The following GRIK2 variants were observed in gnomAD, a reference collection of about 807,000 sequenced individuals.
GRIK2 encodes glutamate receptor ionotropic, kainate 2.
In GRIK2, 32 loss-of-function variants were observed where a neutral mutation model predicts 100.3. That is an observed-to-expected ratio of 0.32 (90% CI 0.24 to 0.43). The LOEUF (loss-of-function observed/expected upper bound fraction) is 0.43. Among genes scored for constraint, GRIK2 ranks in the 20% least tolerant of loss-of-function variants. The probability of loss-of-function intolerance (pLI) is 1.00; values close to 1 mark genes in which losing one functional copy is unlikely to be tolerated. For synonymous variants in GRIK2, 417 were observed against 389.4 expected, an observed-to-expected ratio of 1.07 and a Z score of -0.83; for missense variants, 843 against 1,114.9, an observed-to-expected ratio of 0.76 and a Z score of 3.47.
chr6:101,638,863 T>TGTA (rs939959146), intron 4 of GRIK2, among the ~76,000 whole-genome samples: 9 of 151,734 alleles, frequency 5.9e-5, no homozygotes, highest in Non-Finnish European at 1.3e-4. Context: ...GGCACTCACC[T>TGTA]GTAACCCCAG....
At chr6:101,917,308 A>C (rs938837509) in intron 12 of GRIK2, among the ~76,000 whole-genome samples, 3 of 151,700 alleles carry the variant, frequency 2.0e-5, no homozygotes, top group Non-Finnish European at 4.4e-5. Context: ...CTTCTCAAGA[A>C]AATGCCAAAC....
intron 7 of GRIK2, among the ~76,000 whole-genome samples, chr6:101,707,767 A>AATT (rs1403923757): frequency 6.6e-6 from 1 of 151,428 alleles, no homozygotes; most frequent in East Asian, 1.9e-4. Context: ...CATTTGATGT[A>AATT]TAGTCTTTGA....
intron 14 of GRIK2, among the ~76,000 whole-genome samples, chr6:101,961,125 A>G (rs1367306035): frequency 6.6e-6 from 1 of 152,142 alleles, no homozygotes. Flanking sequence ...CAACCTCCAC[A>G]TCACACCCTT....
intron 16 of GRIK2, among the ~76,000 whole-genome samples, chr6:102,060,898 T>C (rs1771717171): frequency 6.6e-6 from 1 of 150,598 alleles, no homozygotes; most frequent in Non-Finnish European, 1.5e-5. Context: ...TGTCAGACCT[T>C]ATGTATTAAT....
At chr6:101,685,793 A>AG in intron 6 of GRIK2, among the ~76,000 whole-genome samples, 1 of 152,214 alleles carries the variant, frequency 6.6e-6, no homozygotes, top group East Asian at 1.9e-4. Flanking sequence ...CAAAAAAAAA[A>AG]TTAAAAACAG....
At chr6:101,847,085 A>G (rs1783856420) in intron 10 of GRIK2, among the ~76,000 whole-genome samples, 1 of 150,682 alleles carries the variant, frequency 6.6e-6, no homozygotes, top group East Asian at 2.0e-4. Context: ...GTGTAAATTT[A>G]TGTTACTTAT....
Position 101,924,708 on chromosome 6 carries a change from T to C in GRIK2, c.1856T>C (p.Leu619Pro). ...LNSFWFGVGA[L>P]MQQGSELMPK... ...AGTTTCTGGTTTGGAGTTGGAGCTC[T>C]CATGCAGCAAGGTATACGATTCAGC... The change falls in exon 13 of 17, where the codon CTC becomes CCC. Residue 619 changes from leucine to proline, a missense_variant. Coordinates refer to ENST00000369134, the MANE Select transcript of GRIK2 (RefSeq NM_021956.5). The C allele has an allele frequency of 1.3e-6, 2 of 1,587,618 alleles. No homozygotes were observed. Among genetic ancestry groups the C allele is most frequent in the African/African-American group, 1.3e-5 (1 of 74,484 alleles).
intron 2 of GRIK2, among the ~76,000 whole-genome samples, chr6:101,608,344 T>C (rs1347884323): frequency 6.6e-6 from 1 of 151,974 alleles, no homozygotes; most frequent in Non-Finnish European, 1.5e-5. Flanking sequence ...TACAATGCTA[T>C]TGTAGAATCT....
chr6:101,718,493 T>A (rs1331362204), intron 7 of GRIK2, among the ~76,000 whole-genome samples: 2 of 151,960 alleles, frequency 1.3e-5, no homozygotes, highest in African/African-American at 4.8e-5. Context: ...ATTGAAGAAG[T>A]ATGCAAGTAC....
At chr6:102,023,636 C>T (rs1298885016) in intron 14 of GRIK2, among the ~76,000 whole-genome samples, 2 of 151,382 alleles carry the variant, frequency 1.3e-5, no homozygotes, top group East Asian at 1.9e-4. Flanking sequence ...TTGAAATTGA[C>T]GTTGTAGAGA....
chr6:101,585,763 G>A (rs1460702611), intron 2 of GRIK2, among the ~76,000 whole-genome samples: 2 of 151,952 alleles, frequency 1.3e-5, no homozygotes, highest in East Asian at 3.9e-4. Flanking sequence ...CAAACAAATA[G>A]GCAAATATAA....
At chr6:101,825,737 A>C (rs538603232) in intron 10 of GRIK2, among the ~76,000 whole-genome samples, 15 of 152,264 alleles carry the variant, frequency 9.9e-5, no homozygotes, top group African/African-American at 3.6e-4. Context: ...TAAGTTTTGT[A>C]TAAAAGAATG....
chr6:101,841,446 C>T, intron 10 of GRIK2, among the ~76,000 whole-genome samples: 1 of 151,678 alleles, frequency 6.6e-6, no homozygotes, highest in Admixed American at 6.6e-5. Context: ...CCACTGCAAA[C>T]TCTGCCCCCC....
intron 2 of GRIK2, among the ~76,000 whole-genome samples, chr6:101,525,189 T>C (rs1775088076): frequency 6.6e-6 from 1 of 152,228 alleles, no homozygotes; most frequent in Admixed American, 6.5e-5. Flanking sequence ...AAGAAGCTTA[T>C]GCAAACATAC....
intron 15 of GRIK2, among the ~76,000 whole-genome samples, chr6:102,044,407 C>G (rs1770767130): frequency 6.6e-6 from 1 of 151,940 alleles, no homozygotes; most frequent in Non-Finnish European, 1.5e-5. Context: ...AAGACATACC[C>G]AAGACGGGAT....
intron 2 of GRIK2, among the ~76,000 whole-genome samples, chr6:101,442,611 G>A (rs969119907): frequency 6.6e-6 from 1 of 152,160 alleles, no homozygotes; most frequent in Non-Finnish European, 1.5e-5. Flanking sequence ...TGATGGAGGG[G>A]ACAGAACAAT....
intron 7 of GRIK2, among the ~76,000 whole-genome samples, chr6:101,766,888 TTA>T (rs1480606578): frequency 1.3e-5 from 2 of 152,206 alleles, no homozygotes; most frequent in Non-Finnish European, 2.9e-5. Context: ...AAATAATTGT[TTA>T]TGTCTCCTGA....
At chr6:101,771,284 A>G (rs1033906742) in intron 7 of GRIK2, among the ~76,000 whole-genome samples, 39 of 151,916 alleles carry the variant, frequency 2.6e-4, no homozygotes, top group African/African-American at 9.4e-4. Flanking sequence ...TATAACTTTT[A>G]TAGACAAAAA....
intron 2 of GRIK2, among the ~76,000 whole-genome samples, chr6:101,582,594 C>A (rs1473540767): frequency 1.3e-5 from 2 of 151,978 alleles, no homozygotes; most frequent in Non-Finnish European, 2.9e-5. Context: ...TTCAAAGCAG[C>A]ATGAGAATGG....
Sources: gnomAD v4.1 joint callset for allele counts (sites outside exome capture counted in the v4.1 genomes callset) on GRCh38, gnomAD v4.1.1 for gene constraint, MANE v1.5 for transcripts, NCBI Gene and HGNC (gene_info 2026-07-23, HGNC 2026-07-21) for gene names.